The following IQGAP2 variants were observed in gnomAD, a reference collection of about 807,000 sequenced individuals.
IQGAP2 encodes the protein IQ motif containing GTPase activating protein 2, also known as ras GTPase-activating-like protein IQGAP2.
A neutral mutation model predicts 201.3 loss-of-function variants in IQGAP2; 173 were observed. That is an observed-to-expected ratio of 0.86 (90% CI 0.76 to 0.98). IQGAP2 has a LOEUF of 0.98. Ranked by LOEUF, IQGAP2 falls within the 50% of genes least tolerant of loss-of-function variation. The pLI, the probability that IQGAP2 is intolerant of heterozygous loss-of-function variation, is 0.00. For missense variants in IQGAP2, 1,687 were observed against 1,864.8 expected (o/e 0.90, Z 1.76); for synonymous variants, 675 against 673.9 (o/e 1.00, Z -0.03).
At chr5:76,620,190 T>A (rs1749499231) in intron 13 of IQGAP2, among the ~76,000 whole-genome samples, 1 of 152,176 alleles carries the variant, frequency 6.6e-6, no homozygotes, top group Non-Finnish European at 1.5e-5. Flanking sequence ...GTTTTTAAGA[T>A]GACTTAGGTA....
intron 1 of IQGAP2, among the ~76,000 whole-genome samples, chr5:76,413,514 A>G (rs535766357): frequency 7.2e-5 from 11 of 152,344 alleles, no homozygotes; most frequent in African/African-American, 1.7e-4. Flanking sequence ...TAAGTTATCT[A>G]TATGGAAATA....
intron 24 of IQGAP2, 112 bp downstream of exon 24, chr5:76,672,095 A>T: frequency 1.3e-6 from 1 of 767,148 alleles, no homozygotes; most frequent in East Asian, 2.7e-5. Context: ...GTCAGTTATC[A>T]ATCCAAAATG....
rs556255745 is a variant in IQGAP2, at chr5:76,706,386, C to T, written c.4615-814C>T. 5.9e-5 allele frequency among the ~76,000 whole-genome samples: 9 copies of T among 152,062 alleles called. No individual in the cohort carries two copies. The South Asian group carries it at 1.7e-3, about 28-fold the overall frequency. On this transcript the variant is annotated intron_variant, in intron 35 of 35. Transcript: ENST00000274364. ...TTTTTGAGACAGAGTCTTTCTCTGT[C>T]GCTGAGGCTGGAGTACAGCAGTGCA...
At chr5:76,418,346 CT>C (rs1399998509) in intron 1 of IQGAP2, among the ~76,000 whole-genome samples, 1 of 151,918 alleles carries the variant, frequency 6.6e-6, no homozygotes, top group African/African-American at 2.4e-5. Flanking sequence ...CCTTGTCCAT[CT>C]TAGCATTTCT....
intron 2 of IQGAP2, among the ~76,000 whole-genome samples, chr5:76,515,181 G>T (rs142832537): frequency 2.6e-5 from 4 of 152,200 alleles, no homozygotes; most frequent in Non-Finnish European, 5.9e-5. Context: ...AGAAGGGCAC[G>T]TACTTATCAT....
chr5:76,667,973 G>T (rs568319979), intron 22 of IQGAP2, among the ~76,000 whole-genome samples: 1 of 149,274 alleles, frequency 6.7e-6, no homozygotes, highest in Non-Finnish European at 1.5e-5. Context: ...TGAAATACTG[G>T]GCTCAAGTGA....
intron 2 of IQGAP2, among the ~76,000 whole-genome samples, chr5:76,487,994 G>T (rs1029606826): frequency 6.6e-6 from 1 of 152,216 alleles, no homozygotes; most frequent in Non-Finnish European, 1.5e-5. Context: ...TAGGACATGG[G>T]AGCCTATCCT....
chr5:76,499,031 C>T (rs1476512521), intron 2 of IQGAP2, among the ~76,000 whole-genome samples: 1 of 152,170 alleles, frequency 6.6e-6, no homozygotes, highest in Non-Finnish European at 1.5e-5. Context: ...ATTAGCAATT[C>T]GTTTAGTGAA....
chr5:76,535,783 C>T (rs929230909), intron 2 of IQGAP2, among the ~76,000 whole-genome samples: 1 of 152,168 alleles, frequency 6.6e-6, no homozygotes, highest in Non-Finnish European at 1.5e-5. Flanking sequence ...ACCGGCAGTG[C>T]GCCCAGAGTA....
At chr5:76,515,071 T>C (rs1758226291) in intron 2 of IQGAP2, among the ~76,000 whole-genome samples, 1 of 152,246 alleles carries the variant, frequency 6.6e-6, no homozygotes, top group Non-Finnish European at 1.5e-5. Context: ...GTAGCCCTAC[T>C]TTGACTGCTC....
rs535057491 is a variant in IQGAP2, at chr5:76,561,214, G to T, written c.147-1182G>T. ...TAGTTGACCTCAAGTAACTAAAACT[G>T]CAGAAAGTGAAACCTTGGATAAGGG... On this transcript the variant is annotated intron_variant, in intron 2 of 35. Coordinates refer to ENST00000274364, the MANE Select transcript of IQGAP2 (RefSeq NM_006633.5). Among the ~76,000 whole-genome samples, 13 of 152,248 alleles carry T rather than the reference G, an allele frequency of 8.5e-5. No individual in the cohort carries two copies. The East Asian group carries it at 2.3e-3, about 27-fold the overall frequency.
At chr5:76,697,176 GT>G (rs1288480730) in intron 32 of IQGAP2, among the ~76,000 whole-genome samples, 10 of 152,302 alleles carry the variant, frequency 6.6e-5, no homozygotes, top group Admixed American at 2.6e-4. Flanking sequence ...CCAAGTAATA[GT>G]TATCAATGTT....
intron 30 of IQGAP2, among the ~76,000 whole-genome samples, chr5:76,689,484 A>G (rs1043891823): frequency 1.1e-4 from 16 of 152,224 alleles, no homozygotes; most frequent in Non-Finnish European, 2.2e-4. Flanking sequence ...ACCTTTCATT[A>G]TAACTTATGA....
At chr5:76,621,661 G>C (rs1749686307) in intron 13 of IQGAP2, among the ~76,000 whole-genome samples, 1 of 152,180 alleles carries the variant, frequency 6.6e-6, no homozygotes, top group Non-Finnish European at 1.5e-5. Flanking sequence ...CAGTGCCTGT[G>C]TTTTGTGGAA....
intron 1 of IQGAP2, among the ~76,000 whole-genome samples, chr5:76,419,673 CTT>C (rs57338854): frequency 2.9e-4 from 41 of 141,800 alleles, no homozygotes; most frequent in South Asian, 8.8e-4. Context: ...CTTTTCTTTT[CTT>C]TTTTTTTTTT....
intron 15 of IQGAP2, among the ~76,000 whole-genome samples, chr5:76,635,672 T>C (rs2150392393): frequency 6.6e-6 from 1 of 152,054 alleles, no homozygotes; most frequent in East Asian, 1.9e-4. Context: ...GCAAAACCCA[T>C]CTCTACAAAA....
chr5:76,455,898 G>T (rs1215259378), intron 1 of IQGAP2, among the ~76,000 whole-genome samples: 1 of 152,132 alleles, frequency 6.6e-6, no homozygotes, highest in Non-Finnish European at 1.5e-5. Context: ...TGTCTAACCC[G>T]AATATCCTCT....
chr5:76,406,772 A>C (rs534949270), intron 1 of IQGAP2, among the ~76,000 whole-genome samples: 3 of 152,366 alleles, frequency 2.0e-5, no homozygotes, highest in Admixed American at 1.3e-4. Context: ...ATCAACACTT[A>C]AGTGACTACA....
At chr5:76,530,604 ATAAATATGTACG>A (rs1759238342) in intron 2 of IQGAP2, among the ~76,000 whole-genome samples, 2 of 151,968 alleles carry the variant, frequency 1.3e-5, no homozygotes, top group Middle Eastern at 3.4e-3. Flanking sequence ...TGTTATGTAC[ATAAATATGTACG>A]TGCACATGCA....
Sources: gnomAD v4.1 joint callset for allele counts (sites outside exome capture counted in the v4.1 genomes callset) on GRCh38, gnomAD v4.1.1 for gene constraint, MANE v1.5 for transcripts, NCBI Gene and HGNC (gene_info 2026-07-23, HGNC 2026-07-21) for gene names.